CRPPA: variants seen among roughly 807,000 people sequenced by gnomAD.
The protein encoded by CRPPA is CDP-L-ribitol pyrophosphorylase A.
A neutral mutation model predicts 52.0 loss-of-function variants in CRPPA; 43 were observed. The ratio of observed to expected loss-of-function variants is 0.83; its 90% CI spans 0.65 to 1.07. The LOEUF is 1.07. Ranked by LOEUF, CRPPA falls within the 50% of genes least tolerant of loss-of-function variation. The pLI, the probability that CRPPA is intolerant of heterozygous loss-of-function variation, is 0.00. For missense variants in CRPPA, 629 were observed against 551.7 expected (o/e 1.14, Z -1.40); for synonymous variants, 250 against 203.5 (o/e 1.23, Z -1.94).
intron 3 of CRPPA, among the ~76,000 whole-genome samples, chr7:16,328,031 TG>T (rs941452572): frequency 4.6e-5 from 7 of 152,238 alleles, no homozygotes; most frequent in Non-Finnish European, 1.0e-4. Context: ...TTCCTGTTTT[TG>T]TTTCTCCTTT....
chr7:16,389,913 CAA>C (rs1163092089), intron 2 of CRPPA, among the ~76,000 whole-genome samples: 50 of 34,312 alleles, frequency 1.5e-3, no homozygotes, highest in Non-Finnish European at 1.5e-3. Flanking sequence ...GCCTAGTATA[CAA>C]AAAAAAAAAA....
At chr7:16,290,554 G>A (rs554865326) in intron 5 of CRPPA, among the ~76,000 whole-genome samples, 3 of 152,012 alleles carry the variant, frequency 2.0e-5, no homozygotes, top group African/African-American at 7.2e-5. Flanking sequence ...TGGGGAAAAG[G>A]ACATACCTTT....
chr7:16,403,779 G>C (rs369479933), intron 2 of CRPPA, among the ~76,000 whole-genome samples: 298 of 152,248 alleles, frequency 2.0e-3, no homozygotes, highest in African/African-American at 6.5e-3. Flanking sequence ...AAACCAAAAA[G>C]GTTACAGGAT....
At chr7:16,128,604 G>T (rs1401155298) in intron 9 of CRPPA, among the ~76,000 whole-genome samples, 1 of 152,148 alleles carries the variant, frequency 6.6e-6, no homozygotes, top group African/African-American at 2.4e-5. Flanking sequence ...ACTTTGGCCA[G>T]AATATAAAAC....
chr7:16,389,913 C>CAAAAAAAAAAAAAAAAAAAAAAAAAA (rs1163092089), intron 2 of CRPPA, among the ~76,000 whole-genome samples: 6 of 34,312 alleles, frequency 1.7e-4, no homozygotes, highest in East Asian at 1.3e-3. Flanking sequence ...GCCTAGTATA[C>CAAAAAAAAAAAAAAAAAAAAAAAAAA]AAAAAAAAAA....
intron 8 of CRPPA, among the ~76,000 whole-genome samples, chr7:16,238,553 T>C (rs1320365020): frequency 6.6e-6 from 1 of 151,890 alleles, no homozygotes. Context: ...AACACAAAAA[T>C]GGAAAATTTA....
intron 6 of CRPPA, among the ~76,000 whole-genome samples, chr7:16,267,206 C>T (rs1783978943): frequency 6.6e-6 from 1 of 152,160 alleles, no homozygotes; most frequent in South Asian, 2.1e-4. Flanking sequence ...AAGCCAGACA[C>T]TAAATTGTAT....
chr7:16,298,599 C>T (rs1784721531), intron 5 of CRPPA, among the ~76,000 whole-genome samples: 1 of 152,198 alleles, frequency 6.6e-6, no homozygotes, highest in African/African-American at 2.4e-5. Flanking sequence ...TAGGAAAATA[C>T]TTTGAACATG....
In CRPPA at chr7:16,122,448, G is replaced by A. The variant is rs1782498047; in HGVS notation, c.1252-30649C>T. On this transcript the variant is annotated intron_variant, in intron 9 of 9. Transcript: ENST00000407010. ...CAATTGATAATCTTTATAAGAACAT[G>A]TTATAAGACAATTAAAAGTCAACAT... is the stretch of plus-strand genomic sequence containing the variant. 3.3e-5 allele frequency among the ~76,000 whole-genome samples: 5 copies of A among 151,916 alleles called. 1 individual carries two copies. In the South Asian group the frequency reaches 1.0e-3, roughly 31 times the overall value.
At chr7:16,341,559 G>T (rs1785831958) in intron 3 of CRPPA, among the ~76,000 whole-genome samples, 1 of 152,136 alleles carries the variant, frequency 6.6e-6, no homozygotes, top group African/African-American at 2.4e-5. Flanking sequence ...GTACAGAGCT[G>T]CCCTATTTTT....
At chr7:16,408,472 T>A (rs557551576) in intron 1 of CRPPA, among the ~76,000 whole-genome samples, 3 of 152,270 alleles carry the variant, frequency 2.0e-5, no homozygotes, top group African/African-American at 7.2e-5. Flanking sequence ...GAAGGCCCCA[T>A]GCAGAGCCTT....
At chr7:16,413,782 A>G (rs1275888605) in intron 1 of CRPPA, among the ~76,000 whole-genome samples, 12 of 152,240 alleles carry the variant, frequency 7.9e-5, no homozygotes, top group Non-Finnish European at 1.5e-5. Context: ...GGAGTCTTAA[A>G]CAATAATGAA....
At chr7:16,118,578 G>T (rs1782423650) in intron 9 of CRPPA, among the ~76,000 whole-genome samples, 1 of 152,178 alleles carries the variant, frequency 6.6e-6, no homozygotes. Flanking sequence ...GTCAGCACAA[G>T]TGAGATAATC....
intron 9 of CRPPA, among the ~76,000 whole-genome samples, chr7:16,095,554 A>G (rs1231693075): frequency 1.3e-5 from 2 of 152,202 alleles, no homozygotes; most frequent in South Asian, 2.1e-4. Context: ...TAGCCATTAA[A>G]TCTGGAAAAC....
chr7:16,257,961 C>A (rs777880168), intron 8 of CRPPA, among the ~76,000 whole-genome samples: 5 of 152,016 alleles, frequency 3.3e-5, no homozygotes, highest in African/African-American at 1.2e-4. Flanking sequence ...CTTTTGCTTT[C>A]GGTGGAACAG....
intron 8 of CRPPA, chr7:16,248,082 C>G (rs1376401256): frequency 6.6e-6 from 1 of 152,140 alleles, no homozygotes. Context: ...GGCTCATGAC[C>G]GTAATCCCAG....
chr7:16,383,718 C>T lies in CRPPA; in HGVS notation c.535-7477G>A, dbSNP rs548414348. Among the ~76,000 whole-genome samples, 89 of 152,362 alleles carry T rather than the reference C, an allele frequency of 5.8e-4. No homozygotes were observed. The East Asian group carries it at 8.3e-3, about 14-fold the overall frequency. On this transcript the variant is annotated intron_variant, in intron 2 of 9. Transcript: ENST00000407010. ...GCAATGGCAGGCGCCCCTCCCCCAG[C>T]CTCGCTGCCACCTTGCAGTTTGATC...
chr7:16,166,927 CTACTT>C (rs1781078185), intron 9 of CRPPA, among the ~76,000 whole-genome samples: 1 of 108,142 alleles, frequency 9.2e-6, no homozygotes, highest in South Asian at 3.6e-4. Flanking sequence ...CTTTTCCAAC[CTACTT>C]TTTTTTTTTT....
intron 3 of CRPPA, among the ~76,000 whole-genome samples, chr7:16,329,174 G>A (rs1051070326): frequency 2.0e-5 from 3 of 152,096 alleles, no homozygotes; most frequent in Non-Finnish European, 2.9e-5. Flanking sequence ...GAGGCAAGTC[G>A]GGCTTGTTCA....
Sources: allele counts gnomAD v4.1 joint callset (sites outside exome capture counted in the v4.1 genomes callset), GRCh38; gene constraint gnomAD v4.1.1; transcripts MANE v1.5; gene names NCBI Gene and HGNC (gene_info 2026-07-23, HGNC 2026-07-21).